Variants in CDH18 observed in about 807,000 individuals in gnomAD.
CDH18 encodes the protein cadherin-18.
Under a neutral mutation model 67.9 loss-of-function variants are expected in CDH18, and 31 were observed. The observed-to-expected ratio is 0.46, with a 90% CI of 0.34 to 0.62. The LOEUF (loss-of-function observed/expected upper bound fraction) is 0.62. Among genes scored for constraint, CDH18 ranks in the 20% least tolerant of loss-of-function variants. The probability of loss-of-function intolerance (pLI) is 0.01; values close to 1 mark genes in which losing one functional copy is unlikely to be tolerated. For missense variants in CDH18, 890 were observed against 975.5 expected (o/e 0.91, Z 1.17); for synonymous variants, 362 against 347.2 (o/e 1.04, Z -0.48).
At chr5:20,325,532 G>T (rs757619314) in intron 1 of CDH18, among the ~76,000 whole-genome samples, 1 of 151,746 alleles carries the variant, frequency 6.6e-6, no homozygotes, top group Non-Finnish European at 1.5e-5. Context: ...CCCTATGACC[G>T]CACCCTTCCG....
chr5:20,279,511 C>A (rs1746060402), intron 1 of CDH18, among the ~76,000 whole-genome samples: 1 of 151,636 alleles, frequency 6.6e-6, no homozygotes, highest in Admixed American at 6.6e-5. Flanking sequence ...CCAGCCTAGC[C>A]AGCATGGTGA....
intron 2 of CDH18, among the ~76,000 whole-genome samples, chr5:20,047,017 AAAAG>A (rs144787204): frequency 0.012 from 1,773 of 152,122 alleles, 27 homozygotes; most frequent in African/African-American, 0.041. Context: ...AAAAAAAACA[AAAAG>A]AAAGAAACAC....
In CDH18 at chr5:20,458,985, A is replaced by G. The variant is rs190629906; in HGVS notation, c.-580+116477T>C. 3.2e-3 allele frequency among the ~76,000 whole-genome samples: 492 copies of G among 152,282 alleles called. 2 individuals carry two copies. Among genetic ancestry groups the G allele is most frequent in the African/African-American group, 0.011 (472 of 41,564 alleles). On this transcript the variant is annotated intron_variant, in intron 1 of 14. Coordinates refer to the CDH18 transcript ENST00000507958. The stretch of plus-strand genomic sequence containing the variant: ...CTTTAGATTTATTCTAAAAAAACCA[A>G]TTTCCTAAAAAAAAGTGTATACATT...
intron 2 of CDH18, among the ~76,000 whole-genome samples, chr5:20,096,367 G>GA (rs1281993637): frequency 1.4e-4 from 21 of 151,952 alleles, no homozygotes; most frequent in Middle Eastern, 3.4e-3. Flanking sequence ...ATTTTCTTCA[G>GA]AAAAAAATGT....
intron 1 of CDH18, among the ~76,000 whole-genome samples, chr5:20,396,055 G>A (rs1745251715): frequency 6.6e-6 from 1 of 152,178 alleles, no homozygotes; most frequent in Admixed American, 6.5e-5. Context: ...GTTTTCCTAA[G>A]TTCTGTGAGC....
intron 2 of CDH18, among the ~76,000 whole-genome samples, chr5:20,189,353 G>A (rs369649072): frequency 6.6e-6 from 1 of 151,922 alleles, no homozygotes; most frequent in Admixed American, 6.6e-5. Flanking sequence ...TCTATCCATC[G>A]TGTGCTTTTT....
intron 2 of CDH18, among the ~76,000 whole-genome samples, chr5:20,001,695 G>T (rs189129834): frequency 6.6e-6 from 1 of 152,088 alleles, no homozygotes; most frequent in African/African-American, 2.4e-5. Flanking sequence ...ATTGCATGTA[G>T]TGTGCTGAAA....
chr5:19,793,748 C>T (rs1234905754), intron 3 of CDH18, among the ~76,000 whole-genome samples: 2 of 152,034 alleles, frequency 1.3e-5, no homozygotes, highest in African/African-American at 4.8e-5. Context: ...TCGTACTGTA[C>T]TCCTGAAAGG....
At chr5:20,439,808 A>G (rs1749476334) in intron 1 of CDH18, among the ~76,000 whole-genome samples, 2 of 151,776 alleles carry the variant, frequency 1.3e-5, no homozygotes, top group African/African-American at 4.9e-5. Context: ...AAGACTTGTC[A>G]TAGTATGTTC....
intron 7 of CDH18, among the ~76,000 whole-genome samples, chr5:19,589,351 T>A (rs915379960): frequency 2.0e-5 from 3 of 152,154 alleles, no homozygotes; most frequent in Non-Finnish European, 4.4e-5. Flanking sequence ...CCTCCAAGAT[T>A]ATATTTCCTC....
chr5:20,334,190 T>C (rs564349835), intron 1 of CDH18, among the ~76,000 whole-genome samples: 1 of 139,068 alleles, frequency 7.2e-6, no homozygotes, highest in South Asian at 2.2e-4. Flanking sequence ...TGGAGTGCAG[T>C]GGCGCAATCT....
intron 2 of CDH18, among the ~76,000 whole-genome samples, chr5:19,966,675 T>C (rs1056276054): frequency 6.6e-6 from 1 of 152,086 alleles, no homozygotes; most frequent in Non-Finnish European, 1.5e-5. Flanking sequence ...GCCTGTTTTT[T>C]TTCTGGAGCA....
At chr5:19,758,133 C>G (rs866836483) in intron 3 of CDH18, among the ~76,000 whole-genome samples, 2 of 152,176 alleles carry the variant, frequency 1.3e-5, no homozygotes, top group South Asian at 4.1e-4. Context: ...CCTTCAGGAC[C>G]TGCTAGAGCC....
At chr5:19,734,282 G>C (rs1412137998) in intron 4 of CDH18, among the ~76,000 whole-genome samples, 1 of 152,164 alleles carries the variant, frequency 6.6e-6, no homozygotes, top group Admixed American at 6.5e-5. Flanking sequence ...AGTAAGTGTG[G>C]CTGGAATGCA....
At chr5:19,996,695 T>C in intron 2 of CDH18, among the ~76,000 whole-genome samples, 1 of 152,000 alleles carries the variant, frequency 6.6e-6, no homozygotes, top group East Asian at 1.9e-4. Flanking sequence ...GATCATTTTC[T>C]TGTCTTCCTT....
chr5:19,674,595 C>G (rs989261843), intron 5 of CDH18, among the ~76,000 whole-genome samples: 1 of 152,054 alleles, frequency 6.6e-6, no homozygotes, highest in Non-Finnish European at 1.5e-5. Flanking sequence ...AGACTTTATA[C>G]ATACAACAGG....
intron 2 of CDH18, among the ~76,000 whole-genome samples, chr5:20,020,703 G>T (rs901085649): frequency 6.6e-6 from 1 of 152,118 alleles, no homozygotes; most frequent in Admixed American, 6.5e-5. Context: ...ATTTCAGAGG[G>T]TGTATGGAAA....
intron 2 of CDH18, among the ~76,000 whole-genome samples, chr5:19,952,470 C>G (rs1795895448): frequency 6.6e-6 from 1 of 152,158 alleles, no homozygotes; most frequent in African/African-American, 2.4e-5. Flanking sequence ...TGTTGCTCTG[C>G]TGTCAATCCA....
intron 3 of CDH18, among the ~76,000 whole-genome samples, chr5:19,804,825 T>C (rs772714717): frequency 6.6e-6 from 1 of 152,178 alleles, no homozygotes; most frequent in Non-Finnish European, 1.5e-5. Flanking sequence ...ATTTATAGTC[T>C]TCTTCTATCA....
Sources: gnomAD v4.1 joint callset for allele counts (sites outside exome capture counted in the v4.1 genomes callset) on GRCh38, gnomAD v4.1.1 for gene constraint, MANE v1.5 for transcripts, NCBI Gene and HGNC (gene_info 2026-07-23, HGNC 2026-07-21) for gene names.